PPARGC1B: variants seen among roughly 807,000 people sequenced by gnomAD.
PPARGC1B encodes the protein peroxisome proliferator-activated receptor gamma coactivator 1-beta.
A neutral mutation model predicts 101.6 loss-of-function variants in PPARGC1B; 34 were observed. The ratio of observed to expected loss-of-function variants is 0.33; its 90% CI spans 0.25 to 0.45. The LOEUF (loss-of-function observed/expected upper bound fraction) is 0.45. PPARGC1B is among the 20% of genes least tolerant of loss of function. The pLI is 1.00. For synonymous variants in PPARGC1B, 548 were observed against 539.3 expected (o/e 1.02, Z -0.22); for missense variants, 1,234 against 1,317.6 (o/e 0.94, Z 0.98).
At position 149,755,597 on chromosome 5, in the gene PPARGC1B, GTTATTATTATTATTATTGTTATTA is replaced by G. The variant is rs1381305493; in HGVS notation, c.78+25195_78+25218del. Among the ~76,000 whole-genome samples the G allele has an allele frequency of 3.2e-3, 396 of 122,528 alleles. 1 individual carries two copies. The highest frequency in any genetic ancestry group is 0.011 in the African/African-American group (373 of 34,506). The allele number at this position is 122,528 out of a possible 152,430, so 80.4% of individuals were successfully genotyped here. ...CTTGTCTGCTGTAGATGTTGTTGTTGTTATTATTATTATTATTGTTATTATTATTATTATTATTATTATTATTAT... is the reference window on the plus strand; with the variant it reads ...CTTGTCTGCTGTAGATGTTGTTGTTGTTATTATTATTATTATTATTATTAT... On this transcript the variant is annotated intron_variant, in intron 1 of 11. Transcript: ENST00000309241.
intron 11 of PPARGC1B, 97 bp from the exon 12 acceptor site, chr5:149,847,361 C>A: frequency 1.1e-6 from 1 of 907,844 alleles, no homozygotes; most frequent in Non-Finnish European, 1.9e-6. Context: ...AGCCACTCCA[C>A]GGTGCCCACT....
At chr5:149,756,016 G>C (rs1469240232) in intron 1 of PPARGC1B, among the ~76,000 whole-genome samples, 1 of 152,152 alleles carries the variant, frequency 6.6e-6, no homozygotes, top group Non-Finnish European at 1.5e-5. Flanking sequence ...ACCTTGCTCT[G>C]CCCTCGTTTG....
intron 1 of PPARGC1B, among the ~76,000 whole-genome samples, chr5:149,809,867 T>G (rs1022968369): frequency 6.6e-6 from 1 of 151,774 alleles, no homozygotes; most frequent in Admixed American, 6.6e-5. Context: ...TGGGGTGCAG[T>G]GGTCAGGGAG....
At position 149,842,556 on chromosome 5, in the gene PPARGC1B, C is replaced by T. The variant is rs1374399778; in HGVS notation, c.2816+179C>T. 2.6e-5 allele frequency among the ~76,000 whole-genome samples: 4 copies of T among 152,242 alleles called. No homozygotes were observed. In the South Asian group the frequency reaches 8.3e-4, roughly 31 times the overall value. On this transcript the variant is annotated intron_variant, in intron 10 of 11. Coordinates refer to ENST00000309241, the MANE Select transcript of PPARGC1B (RefSeq NM_133263.4). The stretch of plus-strand genomic sequence containing the variant: ...GAAATGGTAATGCAGTCAGTAATAG[C>T]AGCAAACACGTGCTGATGGTTTACG...
rs1758932032 is a variant in PPARGC1B, at chr5:149,833,852, G to T, written c.1705+74G>T. The T allele has an allele frequency of 7.0e-7, 1 of 1,424,426 alleles. No individual in the cohort carries two copies. Among genetic ancestry groups the T allele is most frequent in the Admixed American group, 2.9e-5 (1 of 34,412 alleles). The allele number at this position is 1,424,426 out of a possible 1,614,324, so 88.2% of individuals were successfully genotyped here. ...CATGCCCCTCTGCACTGGGAGCCAG[G>T]AGCCCTGTGTTCAAGTCCCCGTCCC... is the stretch of plus-strand genomic sequence containing the variant. On this transcript the variant is annotated intron_variant, in intron 5 of 11. Coordinates refer to ENST00000309241, the MANE Select transcript of PPARGC1B (RefSeq NM_133263.4). The surrounding 1 kb of genome is among the most constrained non-coding windows in gnomAD (Gnocchi z 4.1).
Position 149,851,678 on chromosome 5 carries a change from T to C in PPARGC1B, c.*4120T>C, listed in dbSNP as rs965624358. On this transcript the variant is annotated 3_prime_UTR_variant, in exon 12 of 12. Coordinates refer to ENST00000309241, the MANE Select transcript of PPARGC1B (RefSeq NM_133263.4). ...TAGTGCATGTGCAATATGTCAAAGT[T>C]AGTCCCCTAGTCCCTGAGGGGTTTT... is the stretch of plus-strand genomic sequence containing the variant. 2.0e-5 allele frequency: 3 copies of C among 152,210 alleles called. No individual in the cohort carries two copies. In the South Asian group the frequency reaches 6.2e-4, roughly 32 times the overall value. The allele number at this position is 152,210 out of a possible 1,614,324, so 9.4% of individuals were successfully genotyped here.
intron 1 of PPARGC1B, among the ~76,000 whole-genome samples, chr5:149,750,106 T>C (rs1755232249): frequency 6.6e-6 from 1 of 152,146 alleles, no homozygotes; most frequent in African/African-American, 2.4e-5. Context: ...AACTGTAAGT[T>C]GGAAGAAATT....
intron 11 of PPARGC1B, chr5:149,846,398 C>CCAGAGG: frequency 5.5e-6 from 1 of 180,690 alleles, no homozygotes; most frequent in Non-Finnish European, 1.1e-5. Context: ...CCTTGGGAGG[C>CCAGAGG]TGAGGCAAGA....
chr5:149,842,030 A>T (rs1268696499), intron 9 of PPARGC1B, among the ~76,000 whole-genome samples: 1 of 152,156 alleles, frequency 6.6e-6, no homozygotes, highest in East Asian at 1.9e-4. Context: ...TCCTTCATGT[A>T]AGCAGTGGCT....
At chr5:149,821,927 G>A (rs1360995118) in intron 2 of PPARGC1B, among the ~76,000 whole-genome samples, 1 of 152,178 alleles carries the variant, frequency 6.6e-6, no homozygotes, top group African/African-American at 2.4e-5. Context: ...CAGAAAGGCT[G>A]AGTAACTCGC....
rs1021205616 is a variant in PPARGC1B, at chr5:149,852,821, A to G, written c.*5263A>G. The stretch of plus-strand genomic sequence containing the variant: ...GGCATTGATCGCGCTGCATATGTTT[A>G]GGGCAGCTTTTGTTTTTTGTTTCTT... On this transcript the variant is annotated 3_prime_UTR_variant, in exon 12 of 12. Coordinates refer to ENST00000309241, the MANE Select transcript of PPARGC1B (RefSeq NM_133263.4). 6.6e-6 allele frequency: 1 copy of G among 151,626 alleles called. No individual in the cohort carries two copies. Among genetic ancestry groups the G allele is most frequent in the Non-Finnish European group, 1.5e-5 (1 of 67,990 alleles). The allele number at this position is 151,626 out of a possible 1,614,324, so 9.4% of individuals were successfully genotyped here.
rs1554078892 is a variant in PPARGC1B, at chr5:149,809,115, T to TCAGA, written c.79-11318_79-11317insCAGA. ...ACACAGAAAGACCCCTATCTCCACC[T>TCAGA]TAGATAGATAGATAGATAGATAGAT... On this transcript the variant is annotated intron_variant, in intron 1 of 11. Transcript: ENST00000309241. 7.1e-5 allele frequency among the ~76,000 whole-genome samples: 6 copies of TCAGA among 84,096 alleles called. No homozygotes were observed. The East Asian group carries it at 2.2e-3, about 30-fold the overall frequency. The allele number at this position is 84,096 out of a possible 152,430, so 55.2% of individuals were successfully genotyped here.
At chr5:149,844,318 A>G (rs541976814) in intron 10 of PPARGC1B, among the ~76,000 whole-genome samples, 44 of 152,394 alleles carry the variant, frequency 2.9e-4, no homozygotes, top group Non-Finnish European at 5.3e-4. Flanking sequence ...GGATCTTTAA[A>G]AAAGAGTCTT....
At chr5:149,842,432 G>A in intron 10 of PPARGC1B, 55 bp downstream of exon 10, 1 of 1,586,354 alleles carries the variant, frequency 6.3e-7, no homozygotes, top group Non-Finnish European at 8.6e-7. Flanking sequence ...CACTGGTCCT[G>A]ATCCAGAATT....
At chr5:149,744,898 A>G (rs1581004155) in intron 1 of PPARGC1B, among the ~76,000 whole-genome samples, 2 of 140,012 alleles carry the variant, frequency 1.4e-5, no homozygotes, top group African/African-American at 5.3e-5. Flanking sequence ...TTCAAATTTT[A>G]GCTTTGTGAC....
intron 9 of PPARGC1B, among the ~76,000 whole-genome samples, chr5:149,840,621 C>T (rs538401552): frequency 6.6e-6 from 1 of 152,314 alleles, no homozygotes; most frequent in Admixed American, 6.5e-5. Flanking sequence ...CCTGTCCCTT[C>T]CTCCCCACCC....
chr5:149,820,312 C>G (rs1581093187), intron 1 of PPARGC1B, 121 bp from the exon 2 acceptor site: 2 of 895,626 alleles, frequency 2.2e-6, no homozygotes, highest in Non-Finnish European at 3.5e-6. Flanking sequence ...ATTTCTTGGT[C>G]ATTTGGCAAA....
At chr5:149,825,137 A>G (rs1426001710) in intron 2 of PPARGC1B, among the ~76,000 whole-genome samples, 1 of 152,206 alleles carries the variant, frequency 6.6e-6, no homozygotes, top group Non-Finnish European at 1.5e-5. Flanking sequence ...TGCCTCACCT[A>G]GAAGCCACGT....
chr5:149,826,431 C>G (rs997971788), intron 2 of PPARGC1B, among the ~76,000 whole-genome samples: 2 of 152,178 alleles, frequency 1.3e-5, no homozygotes, highest in Non-Finnish European at 2.9e-5. Flanking sequence ...TTTCCATTGT[C>G]ATCTACTGCC....
Sources: allele counts gnomAD v4.1 joint callset (sites outside exome capture counted in the v4.1 genomes callset), GRCh38; gene constraint gnomAD v4.1.1; non-coding constraint Gnocchi (gnomAD v3.1); transcripts MANE v1.5; gene names NCBI Gene and HGNC (gene_info 2026-07-23, HGNC 2026-07-21).